The following SLTM variants were observed in gnomAD, a reference collection of about 807,000 sequenced individuals.
SLTM encodes the protein SAFB-like transcription modulator.
Under a neutral mutation model 134.6 loss-of-function variants are expected in SLTM, and 43 were observed. The observed-to-expected ratio is 0.32, with a 90% CI of 0.25 to 0.41. The LOEUF is 0.41. SLTM is among the 10% of genes least tolerant of loss of function. The probability of loss-of-function intolerance (pLI) is 1.00; values close to 1 mark genes in which losing one functional copy is unlikely to be tolerated. For synonymous variants in SLTM, 424 were observed against 432.3 expected (o/e 0.98, Z 0.24); for missense variants, 1,055 against 1,288.8 (o/e 0.82, Z 2.78).
intron 2 of SLTM, among the ~76,000 whole-genome samples, chr15:58,923,372 T>A (rs2037233356): frequency 6.6e-6 from 1 of 151,950 alleles, no homozygotes. Flanking sequence ...AACAAATAAA[T>A]AAAATAATCT....
chr15:58,891,960 T>TA (rs2034673515), intron 14 of SLTM, among the ~76,000 whole-genome samples: 1 of 152,290 alleles, frequency 6.6e-6, no homozygotes, highest in African/African-American at 2.4e-5. Context: ...GTCAACTAAA[T>TA]ACACAGGAAG....
At position 58,929,473 on chromosome 15, in the gene SLTM, C is replaced by T. The variant is rs148534915; in HGVS notation, c.250+2883G>A. On this transcript the variant is annotated intron_variant, in intron 2 of 20. Coordinates refer to ENST00000380516, the MANE Select transcript of SLTM (RefSeq NM_024755.4). ...CAAAAAAAAGAAAAGAAAAGAAAAA[C>T]GGACATCACATTAAAACAATATTTA... is the stretch of plus-strand genomic sequence containing the variant. 3.3e-5 allele frequency among the ~76,000 whole-genome samples: 5 copies of T among 152,146 alleles called. No homozygotes were observed. The East Asian group carries it at 7.7e-4, about 23-fold the overall frequency.
intron 15 of SLTM, 22 bp downstream of exon 15, chr15:58,890,259 T>C: frequency 6.2e-7 from 1 of 1,609,924 alleles, no homozygotes; most frequent in Non-Finnish European, 8.5e-7. Flanking sequence ...TTATTTAAGA[T>C]GAAAAGATTT....
At chr15:58,895,240 T>G (rs1034514554) in intron 9 of SLTM, among the ~76,000 whole-genome samples, 59 of 152,146 alleles carry the variant, frequency 3.9e-4, no homozygotes, top group African/African-American at 1.2e-3. Flanking sequence ...TTAGAGAAAG[T>G]TTCTAGTATT....
At chr15:58,918,784 T>C (rs1209819347) in intron 2 of SLTM, among the ~76,000 whole-genome samples, 1 of 152,216 alleles carries the variant, frequency 6.6e-6, no homozygotes, top group Non-Finnish European at 1.5e-5. Context: ...TACATGAGAA[T>C]TTCACATAAC....
In SLTM at chr15:58,933,387, TCCTCGCCGGG is replaced by T. The variant is rs751768625; in HGVS notation, c.162+7_162+16del. On this transcript the variant is annotated splice_region_variant and intron_variant, in intron 1 of 20. Coordinates refer to ENST00000380516, the MANE Select transcript of SLTM (RefSeq NM_024755.4). Reference sequence around the variant, plus strand: ...AGTTCCCCTTCCCGGTCCTTTCCGGTCCTCGCCGGGCCTCACCTGCTTGAGTCGGGAGATG... The same window carrying T: ...AGTTCCCCTTCCCGGTCCTTTCCGGTCCTCACCTGCTTGAGTCGGGAGATG... 1.3e-5 allele frequency: 21 copies of T among 1,568,458 alleles called. No homozygotes were observed. The highest frequency in any genetic ancestry group is 2.3e-5 in the South Asian group (2 of 87,072).
At chr15:58,905,776 G>T (rs2035830151) in intron 5 of SLTM, among the ~76,000 whole-genome samples, 1 of 151,696 alleles carries the variant, frequency 6.6e-6, no homozygotes, top group African/African-American at 2.4e-5. Flanking sequence ...TGTAGTTCCT[G>T]TCAATTATAA....
chr15:58,927,604 C>T (rs2037571191), intron 2 of SLTM, among the ~76,000 whole-genome samples: 2 of 152,088 alleles, frequency 1.3e-5, no homozygotes, highest in South Asian at 4.1e-4. Context: ...TTAAGAAAGC[C>T]CCAAAAAGGC....
At chr15:58,915,640 C>G (rs1321434380) in intron 3 of SLTM, among the ~76,000 whole-genome samples, 1 of 152,042 alleles carries the variant, frequency 6.6e-6, no homozygotes, top group African/African-American at 2.4e-5. Context: ...CCTGGGCAAA[C>G]AGTTCCTAAA....
At position 58,899,372 on chromosome 15, in the gene SLTM, T is replaced by G; in HGVS notation, c.1058+97A>C. Reference sequence around the variant, plus strand: ...TATAGGCAGGATCATAAGACACTAATTACTGTACATGTTCTTGAAGCCACC... The same window carrying G: ...TATAGGCAGGATCATAAGACACTAAGTACTGTACATGTTCTTGAAGCCACC... On this transcript the variant is annotated intron_variant, in intron 7 of 20. Transcript: ENST00000380516. The surrounding 1 kb of genome is among the most constrained non-coding windows in gnomAD (Gnocchi z 5.0). 1 of 932,556 alleles carries G rather than the reference T, an allele frequency of 1.1e-6. No individual in the cohort carries two copies. The allele number at this position is 932,556 out of a possible 1,614,324, so 57.8% of individuals were successfully genotyped here.
At chr15:58,913,462 T>C in intron 4 of SLTM, 37 bp downstream of exon 4, 1 of 1,482,552 alleles carries the variant, frequency 6.7e-7, no homozygotes, top group South Asian at 1.3e-5. Context: ...AAACTTAATT[T>C]ATCTGTGTCA....
In SLTM at chr15:58,888,480, G is replaced by A. The variant is rs2034403030; in HGVS notation, c.2280C>T (p.Asp760=). ...TAAATCTGTTCTGTTGGCGAGAGTA[G>A]TCGGATCCATGGCCAAATCGTGCAT... ...DTDARFGHGS[D]YSRQQNRFND... Residue 760 remains aspartate, a synonymous_variant, in exon 17 of 21, where the codon GAC becomes GAT. Coordinates refer to ENST00000380516, the MANE Select transcript of SLTM (RefSeq NM_024755.4). 1.9e-6 allele frequency: 3 copies of A among 1,613,938 alleles called. No homozygotes were observed. Among genetic ancestry groups the A allele is most frequent in the Admixed American group, 1.7e-5 (1 of 59,990 alleles).
At chr15:58,903,372 G>C (rs754908485) in intron 5 of SLTM, among the ~76,000 whole-genome samples, 2 of 152,150 alleles carry the variant, frequency 1.3e-5, no homozygotes, top group Non-Finnish European at 1.5e-5. Context: ...GCAGAAGTAC[G>C]CTGTTTAAAG....
chr15:58,886,412 G>A (rs1465870305), intron 19 of SLTM, among the ~76,000 whole-genome samples: 1 of 151,798 alleles, frequency 6.6e-6, no homozygotes, highest in Admixed American at 6.6e-5. Flanking sequence ...GATTACAGGC[G>A]CCCACCACCA....
Position 58,899,353 on chromosome 15 carries a change from C to G in SLTM, c.1058+116G>C. On this transcript the variant is annotated intron_variant, in intron 7 of 20. Coordinates refer to ENST00000380516, the MANE Select transcript of SLTM (RefSeq NM_024755.4). The surrounding 1 kb of genome is among the most constrained non-coding windows in gnomAD (Gnocchi z 5.0). ...TTATGACGGTCAAAAATATTATAGG[C>G]AGGATCATAAGACACTAATTACTGT... is the stretch of plus-strand genomic sequence containing the variant. 1 of 807,750 alleles carries G rather than the reference C, an allele frequency of 1.2e-6. No individual in the cohort carries two copies. Among genetic ancestry groups the G allele is most frequent in the Non-Finnish European group, 2.0e-6 (1 of 505,992 alleles). The allele number at this position is 807,750 out of a possible 1,614,324, so 50.0% of individuals were successfully genotyped here.
intron 20 of SLTM, among the ~76,000 whole-genome samples, chr15:58,882,351 G>C (rs111377407): frequency 7.9e-5 from 12 of 152,156 alleles, no homozygotes; most frequent in African/African-American, 1.7e-4. Flanking sequence ...GAATGAGTTT[G>C]ACTGTGACCT....
Position 58,899,371 on chromosome 15 carries a change from A to G in SLTM, c.1058+98T>C. 1.1e-6 allele frequency: 1 copy of G among 924,632 alleles called. No individual in the cohort carries two copies. Among genetic ancestry groups the G allele is most frequent in the Non-Finnish European group, 1.7e-6 (1 of 596,074 alleles). 57.3% of individuals were successfully genotyped at this position (924,632 alleles called of 1,614,324 possible). A position where few individuals can be genotyped will look rare whatever the true frequency, so the allele number is the denominator to read the frequency against. ...TTATAGGCAGGATCATAAGACACTA[A>G]TTACTGTACATGTTCTTGAAGCCAC... is the stretch of plus-strand genomic sequence containing the variant. On this transcript the variant is annotated intron_variant, in intron 7 of 20. Transcript: ENST00000380516. The surrounding 1 kb of genome is among the most constrained non-coding windows in gnomAD (Gnocchi z 5.0).
chr15:58,882,727 C>T (rs1454663912), intron 20 of SLTM, among the ~76,000 whole-genome samples: 12 of 152,122 alleles, frequency 7.9e-5, no homozygotes, highest in African/African-American at 2.9e-4. Flanking sequence ...TGACCTGGGT[C>T]ACTGAGTCAA....
At chr15:58,888,588 T>A (rs2034412920) in intron 16 of SLTM, 33 bp from the exon 17 acceptor site, 1 of 1,608,836 alleles carries the variant, frequency 6.2e-7, no homozygotes, top group Admixed American at 1.7e-5. Context: ...TTTACATAAA[T>A]TAGTTCTACA....
Sources: gnomAD v4.1 joint callset for allele counts (sites outside exome capture counted in the v4.1 genomes callset) on GRCh38, gnomAD v4.1.1 for gene constraint, Gnocchi (gnomAD v3.1) non-coding constraint, MANE v1.5 for transcripts, NCBI Gene and HGNC (gene_info 2026-07-23, HGNC 2026-07-21) for gene names.